The following RAPGEF4 variants were observed in gnomAD, a reference collection of about 807,000 sequenced individuals.
RAPGEF4 encodes the protein Rap guanine nucleotide exchange factor 4.
Under a neutral mutation model 147.9 loss-of-function variants are expected in RAPGEF4, and 66 were observed. The ratio of observed to expected loss-of-function variants is 0.45; its 90% CI spans 0.37 to 0.55. The LOEUF is 0.55. Ranked by LOEUF, RAPGEF4 falls within the 20% of genes least tolerant of loss-of-function variation. The pLI is 0.00. For missense variants in RAPGEF4, 1,071 were observed against 1,257.3 expected, an observed-to-expected ratio of 0.85 and a Z score of 2.24; for synonymous variants, 419 against 442.7, an observed-to-expected ratio of 0.95 and a Z score of 0.67.
rs1553533424 is a variant in RAPGEF4, at chr2:172,931,176, G to GC, written c.537+8876_537+8877insC. On this transcript the variant is annotated intron_variant, in intron 6 of 30. Coordinates refer to ENST00000397081, the MANE Select transcript of RAPGEF4 (RefSeq NM_007023.4). ...TAAGATCAAGCCAGGCCGGGGTGGG[G>GC]GGGGGGGGCGCTGGGGGGCGGGGGG... Among the ~76,000 whole-genome samples the GC allele has an allele frequency of 5.5e-5, 6 of 109,056 alleles. 1 individual carries two copies. Among genetic ancestry groups the GC allele is most frequent in the Admixed American group, 1.8e-4 (2 of 11,242 alleles). 71.5% of individuals were successfully genotyped at this position (109,056 alleles called of 152,430 possible). A position where few individuals can be genotyped will look rare whatever the true frequency, so the allele number is the denominator to read the frequency against.
intron 4 of RAPGEF4, among the ~76,000 whole-genome samples, chr2:172,866,824 T>C (rs915660415): frequency 2.0e-5 from 3 of 152,154 alleles, no homozygotes; most frequent in African/African-American, 7.2e-5. Flanking sequence ...GGGGCTGAAA[T>C]ACAGACTTTA....
chr2:173,037,953 C>T (rs1684266864), intron 29 of RAPGEF4, among the ~76,000 whole-genome samples: 1 of 152,160 alleles, frequency 6.6e-6, no homozygotes, highest in African/African-American at 2.4e-5. Context: ...GAATCTGAAA[C>T]ACCCTGCAGT....
rs61741759 is a variant in RAPGEF4, at chr2:173,018,795, C to T, written c.2148C>T (p.Ser716=). ...GCCTGATCATAGTCAAGATGAGTTC[C>T]GGAGGAGGTAACAGTCTTAATTCAT... ...GEGLIIVKMS[S]GGEKVVLKPN... is the part of the protein sequence containing the mutation. The change falls in exon 22 of 31, where the codon TCC becomes TCT. Residue 716 remains serine (S), a synonymous_variant. Transcript: ENST00000397081. 0.043 allele frequency: 69,463 copies of T among 1,613,000 alleles called. 1,708 individuals carry two copies. Among genetic ancestry groups the T allele is most frequent in the Non-Finnish European group, 0.05 (58,829 of 1,179,678 alleles).
intron 4 of RAPGEF4, among the ~76,000 whole-genome samples, chr2:172,830,408 G>C (rs375942447): frequency 6.6e-6 from 1 of 152,142 alleles, no homozygotes; most frequent in Non-Finnish European, 1.5e-5. Context: ...TGGACATTTT[G>C]TACCTAGTTC....
intron 1 of RAPGEF4, among the ~76,000 whole-genome samples, chr2:172,764,329 A>G (rs1010121065): frequency 2.0e-5 from 3 of 152,082 alleles, no homozygotes; most frequent in Non-Finnish European, 4.4e-5. Context: ...AACATGCCTT[A>G]TCTCCTTACA....
chr2:172,960,364 A>T (rs556415496), intron 6 of RAPGEF4, among the ~76,000 whole-genome samples: 2 of 152,210 alleles, frequency 1.3e-5, no homozygotes, highest in Admixed American at 6.5e-5. Context: ...TTTCCATCCC[A>T]TATCAATACT....
At chr2:172,816,841 G>A (rs1169487519) in intron 4 of RAPGEF4, among the ~76,000 whole-genome samples, 4 of 152,202 alleles carry the variant, frequency 2.6e-5, no homozygotes, top group Non-Finnish European at 4.4e-5. Flanking sequence ...ATCTCATAGT[G>A]AGTAAGAGAT....
At chr2:172,801,447 C>T (rs1259206047) in intron 3 of RAPGEF4, among the ~76,000 whole-genome samples, 2 of 152,238 alleles carry the variant, frequency 1.3e-5, no homozygotes, top group South Asian at 4.1e-4. Flanking sequence ...AAACTTAGCA[C>T]TAGGTTTCAG....
At chr2:172,918,371 C>CCACACACACACACACACACACACA (rs377074360) in intron 5 of RAPGEF4, among the ~76,000 whole-genome samples, 2 of 137,638 alleles carry the variant, frequency 1.5e-5, no homozygotes, top group Non-Finnish European at 3.1e-5. Context: ...GATGCTCTTA[C>CCACACACACACACACACACACACA]CACACACACA....
chr2:172,788,888 T>C (rs1212515346), intron 1 of RAPGEF4, among the ~76,000 whole-genome samples: 1 of 145,850 alleles, frequency 6.9e-6, no homozygotes, highest in East Asian at 2.0e-4. Context: ...AGTGAGACCC[T>C]ATCTAAATAA....
chr2:173,051,646 A>G lies in RAPGEF4; in HGVS notation c.2915A>G (p.Asp972Gly). Residue 972 changes from aspartate (D) to glycine (G), a missense_variant, in exon 31 of 31, where the codon GAT becomes GGT. Transcript: ENST00000397081. ...RYYRSQPFNP[D>G]AAQANKNHQD... ...CCCTTTCCTCTTTCAACAGATCCTGATGCAGCTCAAGCTAATAAGAACCAT... is the reference window on the plus strand; with the variant it reads ...CCCTTTCCTCTTTCAACAGATCCTGGTGCAGCTCAAGCTAATAAGAACCAT... The G allele has an allele frequency of 6.2e-7, 1 of 1,613,822 alleles. No homozygotes were observed. Among genetic ancestry groups the G allele is most frequent in the Non-Finnish European group, 8.5e-7 (1 of 1,179,766 alleles).
At chr2:172,885,314 C>A (rs1697078147) in intron 4 of RAPGEF4, among the ~76,000 whole-genome samples, 2 of 152,330 alleles carry the variant, frequency 1.3e-5, no homozygotes, top group East Asian at 3.9e-4. Context: ...GCCTCACTTT[C>A]CTCCTCCCTT....
chr2:172,988,896 A>T, intron 14 of RAPGEF4, 57 bp downstream of exon 14: 1 of 1,548,992 alleles, frequency 6.5e-7, no homozygotes, highest in South Asian at 1.1e-5. Context: ...TTAACTAAAT[A>T]AGCAAAGCTT....
intron 4 of RAPGEF4, among the ~76,000 whole-genome samples, chr2:172,836,722 G>A (rs1388060132): frequency 6.6e-6 from 1 of 152,174 alleles, no homozygotes; most frequent in Non-Finnish European, 1.5e-5. Context: ...TCCAGGTAAA[G>A]CCAGGAAATA....
chr2:173,039,602 A>G (rs1277086085), intron 29 of RAPGEF4, among the ~76,000 whole-genome samples: 1 of 152,168 alleles, frequency 6.6e-6, no homozygotes, highest in East Asian at 1.9e-4. Flanking sequence ...CCACAGGGAA[A>G]GGGAAAGGAG....
intron 4 of RAPGEF4, among the ~76,000 whole-genome samples, chr2:172,842,116 G>A (rs973186095): frequency 2.6e-5 from 4 of 152,140 alleles, no homozygotes; most frequent in Admixed American, 6.6e-5. Context: ...AGAGATGTGG[G>A]GAAAGGGTTC....
intron 1 of RAPGEF4, among the ~76,000 whole-genome samples, chr2:172,738,478 T>C (rs1298026600): frequency 6.6e-6 from 1 of 152,146 alleles, no homozygotes; most frequent in Non-Finnish European, 1.5e-5. Context: ...GATACTTCCA[T>C]AGGTGTCCTG....
intron 6 of RAPGEF4, among the ~76,000 whole-genome samples, chr2:172,936,494 C>A (rs190625944): frequency 1.3e-3 from 205 of 152,166 alleles, no homozygotes; most frequent in Non-Finnish European, 1.5e-3. Context: ...TCATATTCTT[C>A]CTTTTTCAAT....
Position 172,980,312 on chromosome 2 carries a change from G to A in RAPGEF4, c.1005-3184G>A, listed in dbSNP as rs534240936. Among the ~76,000 whole-genome samples, 261 of 152,272 alleles carry A rather than the reference G, an allele frequency of 1.7e-3. 2 individuals are homozygous for A. Among genetic ancestry groups the A allele is most frequent in the African/African-American group, 6.1e-3 (252 of 41,558 alleles). On this transcript the variant is annotated intron_variant, in intron 10 of 30. Transcript: ENST00000397081. The stretch of plus-strand genomic sequence containing the variant: ...GTGGTCCTTGTGAGTTATCTAGGAA[G>A]AGATGGCCAGGAAGCCCTTGGAACT...
Sources: gnomAD v4.1 joint callset for allele counts (sites outside exome capture counted in the v4.1 genomes callset) on GRCh38, gnomAD v4.1.1 for gene constraint, MANE v1.5 for transcripts, NCBI Gene and HGNC (gene_info 2026-07-23, HGNC 2026-07-21) for gene names.